The following DGKB variants were observed in gnomAD, a reference collection of about 807,000 sequenced individuals.
DGKB encodes 90 kDa diacylglycerol kinase.
Under a neutral mutation model 114.3 loss-of-function variants are expected in DGKB, and 67 were observed. The observed-to-expected ratio is 0.59, with a 90% CI of 0.48 to 0.72. DGKB has a LOEUF of 0.72. DGKB is among the 30% of genes least tolerant of loss of function. DGKB has a pLI of 0.00. For missense variants in DGKB, 907 were observed against 975.2 expected (o/e 0.93, Z 0.93); for synonymous variants, 398 against 323.1 (o/e 1.23, Z -2.49).
At chr7:14,448,419 A>T (rs1465740757) in intron 21 of DGKB, among the ~76,000 whole-genome samples, 1 of 152,046 alleles carries the variant, frequency 6.6e-6, no homozygotes. Flanking sequence ...CAAGCAAGAA[A>T]ACACAACATG....
intron 2 of DGKB, among the ~76,000 whole-genome samples, chr7:14,838,807 T>C (rs1345784975): frequency 6.6e-6 from 1 of 152,162 alleles, no homozygotes; most frequent in East Asian, 1.9e-4. Context: ...ATGACTTCAT[T>C]GTTTGACTCA....
In DGKB at chr7:14,186,074, A is replaced by C. The variant is rs192328194; in HGVS notation, c.2123-7923T>G. ...GGCAAAAGGAACAGTCAGCAGAGTAAACAGACAACCCACAAAGTGGGAGAT... is the reference window on the plus strand; with the variant it reads ...GGCAAAAGGAACAGTCAGCAGAGTACACAGACAACCCACAAAGTGGGAGAT... On this transcript the variant is annotated intron_variant, in intron 23 of 25. Coordinates refer to ENST00000402815, the MANE Select transcript of DGKB (RefSeq NM_001350709.2). Among the ~76,000 whole-genome samples, 9 of 152,332 alleles carry C rather than the reference A, an allele frequency of 5.9e-5. No homozygotes were observed. The East Asian group carries it at 1.7e-3, about 29-fold the overall frequency.
At position 14,685,232 on chromosome 7, in the gene DGKB, C is replaced by G. The variant is rs1453086854; in HGVS notation, c.829+13G>C. 2 of 1,579,574 alleles carry G rather than the reference C, an allele frequency of 1.3e-6. No homozygotes were observed. The highest frequency in any genetic ancestry group is 2.2e-5 in the East Asian group (1 of 44,724). The stretch of plus-strand genomic sequence containing the variant: ...TTGAGGAGATGATGTCCAGGCAGAG[C>G]AAATGTACTCACAGGAACAGCAGAG... On this transcript the variant is annotated intron_variant, in intron 10 of 25. Transcript: ENST00000402815.
chr7:14,735,158 G>A (rs1458729912), intron 5 of DGKB, among the ~76,000 whole-genome samples: 3 of 152,280 alleles, frequency 2.0e-5, no homozygotes, highest in Admixed American at 1.3e-4. Context: ...GACAGGCCAC[G>A]GTGATGCACC....
chr7:14,698,256 G>T, intron 7 of DGKB, 87 bp from the exon 8 acceptor site: 1 of 814,676 alleles, frequency 1.2e-6, no homozygotes, highest in Non-Finnish European at 1.9e-6. Context: ...TTTGTTCAAT[G>T]TGTAGCTAAA....
chr7:14,925,752 A>T (rs944886976), intron 1 of DGKB, among the ~76,000 whole-genome samples: 1 of 152,154 alleles, frequency 6.6e-6, no homozygotes, highest in African/African-American at 2.4e-5. Context: ...CTTACATCCT[A>T]TAACCTTGCA....
At chr7:14,880,273 C>T (rs1056909111) in intron 1 of DGKB, among the ~76,000 whole-genome samples, 3 of 152,064 alleles carry the variant, frequency 2.0e-5, no homozygotes, top group Non-Finnish European at 4.4e-5. Context: ...GCCTGGACAA[C>T]ATGGTGAAAC....
chr7:14,628,307 A>ATGTGTGTGTGTGTGTGTGTG (rs139191761), intron 14 of DGKB, among the ~76,000 whole-genome samples: 133 of 150,574 alleles, frequency 8.8e-4, no homozygotes, highest in East Asian at 3.2e-3. Context: ...AACACAAGTT[A>ATGTGTGTGTGTGTGTGTGTG]TGTGTGTGTG....
intron 1 of DGKB, among the ~76,000 whole-genome samples, chr7:14,910,268 AAGAAAG>A (rs1783924570): frequency 9.5e-6 from 1 of 105,534 alleles, no homozygotes; most frequent in African/African-American, 3.6e-5. Context: ...GAAAGAAAGA[AAGAAAG>A]AAAGAAAGAA....
intron 2 of DGKB, among the ~76,000 whole-genome samples, chr7:14,771,839 C>T (rs553779973): frequency 2.7e-5 from 4 of 147,496 alleles, no homozygotes; most frequent in East Asian, 4.0e-4. Flanking sequence ...ATCAACTAAG[C>T]GCCAGGCACC....
intron 1 of DGKB, among the ~76,000 whole-genome samples, chr7:14,898,421 T>G (rs1346568518): frequency 6.6e-6 from 1 of 152,044 alleles, no homozygotes; most frequent in Non-Finnish European, 1.5e-5. Context: ...CTGTGACAAG[T>G]CACTTAACCC....
chr7:14,741,508 T>C (rs1481028480), intron 4 of DGKB, among the ~76,000 whole-genome samples: 9 of 152,158 alleles, frequency 5.9e-5, no homozygotes, highest in Admixed American at 5.2e-4. Context: ...TAGTATGTTG[T>C]TTTTGTCTCC....
At chr7:14,938,730 G>A (rs1166578494) in intron 1 of DGKB, among the ~76,000 whole-genome samples, 5 of 152,050 alleles carry the variant, frequency 3.3e-5, no homozygotes, top group African/African-American at 1.2e-4. Flanking sequence ...AAAAGTCAAT[G>A]TATTAGGTTA....
intron 25 of DGKB, among the ~76,000 whole-genome samples, chr7:14,158,669 G>C (rs1481984702): frequency 2.0e-5 from 3 of 152,120 alleles, no homozygotes; most frequent in Non-Finnish European, 1.5e-5. Context: ...CCATTGCTTG[G>C]TGTTATGATA....
chr7:14,525,513 T>C (rs1427729974), intron 20 of DGKB, among the ~76,000 whole-genome samples: 1 of 152,174 alleles, frequency 6.6e-6, no homozygotes, highest in African/African-American at 2.4e-5. Context: ...AAAGAATCAT[T>C]CTGCCCAACA....
intron 21 of DGKB, among the ~76,000 whole-genome samples, chr7:14,449,946 T>C (rs1170817349): frequency 2.0e-5 from 3 of 152,042 alleles, no homozygotes; most frequent in Non-Finnish European, 4.4e-5. Flanking sequence ...CATATGATAG[T>C]GTGGAAAGTA....
chr7:14,327,009 G>A (rs890496740), intron 23 of DGKB, among the ~76,000 whole-genome samples: 1 of 151,832 alleles, frequency 6.6e-6, no homozygotes, highest in African/African-American at 2.4e-5. Flanking sequence ...CTACCACAGG[G>A]GTTTCAAATG....
chr7:14,162,546 T>C (rs1245684228), intron 25 of DGKB, among the ~76,000 whole-genome samples: 1 of 152,208 alleles, frequency 6.6e-6, no homozygotes, highest in African/African-American at 2.4e-5. Flanking sequence ...CAACATAGAT[T>C]TGGAGTTCCT....
At chr7:14,780,613 G>A (rs1021139571) in intron 2 of DGKB, among the ~76,000 whole-genome samples, 3 of 147,408 alleles carry the variant, frequency 2.0e-5, no homozygotes, top group Non-Finnish European at 3.0e-5. Context: ...ATAGCATTTT[G>A]AGCATGATGT....
Sources: allele counts gnomAD v4.1 joint callset (sites outside exome capture counted in the v4.1 genomes callset), GRCh38; gene constraint gnomAD v4.1.1; transcripts MANE v1.5; gene names NCBI Gene and HGNC (gene_info 2026-07-23, HGNC 2026-07-21).